Variants in RPS15 observed in about 807,000 individuals in gnomAD.
RPS15 encodes ribosomal protein S15.
RPS15 carries 5 observed loss-of-function variants against 14.9 expected under a neutral mutation model. The ratio of observed to expected loss-of-function variants is 0.34; its 90% confidence interval spans 0.18 to 0.70. RPS15 has a LOEUF of 0.70. Among genes scored for constraint, RPS15 ranks in the 30% least tolerant of loss-of-function variants. The pLI is 0.65. For missense variants in RPS15, 102 were observed against 204.2 expected, an observed-to-expected ratio of 0.50 and a Z score of 3.05; for synonymous variants, 103 against 85.0, an observed-to-expected ratio of 1.21 and a Z score of -1.16.
In RPS15 at chr19:1,438,786, G is replaced by A. The variant is rs377627432; in HGVS notation, c.4-21G>A. The stretch of plus-strand genomic sequence containing the variant: ...AGATGGGTGTCGGGATCCCGCTGAC[G>A]CCCGATCCGCGCCCGCACAGGCAGA... On this transcript the variant is annotated intron_variant, in intron 1 of 3. Transcript: ENST00000592588. This position sits in a 1 kb window ranked among gnomAD's most constrained non-coding sequence, Gnocchi z 4.8. 5.1e-5 allele frequency: 80 copies of A among 1,580,078 alleles called. No individual in the cohort carries two copies. In the African/African-American group the frequency reaches 9.3e-4, roughly 18 times the overall value.
In RPS15 at chr19:1,438,630, G is replaced by A. The variant is rs1336384369; in HGVS notation, c.4-177G>A. 4 of 1,533,082 alleles carry A rather than the reference G, an allele frequency of 2.6e-6. No homozygotes were observed. Among genetic ancestry groups the A allele is most frequent in the Non-Finnish European group, 1.8e-6 (2 of 1,135,982 alleles). The allele number at this position is 1,533,082 out of a possible 1,614,324, so 95.0% of individuals were successfully genotyped here. ...TGGGAAGGCCTGTCCGGGCCTTCAT[G>A]TCCGGGTCCTCGTAACCCGGAGCCG... On this transcript the variant is annotated intron_variant, in intron 1 of 3. Transcript: ENST00000592588. This position sits in a 1 kb window ranked among gnomAD's most constrained non-coding sequence, Gnocchi z 4.8.
chr19:1,439,009 C>T (rs2057491375), intron 2 of RPS15, 117 bp downstream of exon 2: 3 of 830,566 alleles, frequency 3.6e-6, no homozygotes, highest in Non-Finnish European at 5.5e-6. Flanking sequence ...GCACGGTCTC[C>T]GCGCGGGTTT....
Position 1,440,219 on chromosome 19 carries a change from A to T in RPS15, c.290A>T (p.Tyr97Phe), listed in dbSNP as rs771534816. 6 of 1,613,092 alleles carry T rather than the reference A, an allele frequency of 3.7e-6. No individual in the cohort carries two copies. The South Asian group carries it at 6.6e-5, about 18-fold the overall frequency. ...PEMVGSMVGV[Y>F]NGKTFNQVEI... ...ATGGTGGGCAGCATGGTGGGCGTCT[A>T]CAACGGCAAGACCTTCAACCAGGTG... The change falls in exon 3 of 4, where the codon TAC becomes TTC. Residue 97 changes from tyrosine (Y) to phenylalanine (F), a missense_variant. Physicochemically the swap from Tyr to Phe is conservative, Grantham distance 22 (BLOSUM62 3). Transcript: ENST00000592588.
Position 1,440,362 on chromosome 19 carries a change from G to A in RPS15, c.338G>A (p.Gly113Asp). 2 of 1,614,034 alleles carry A rather than the reference G, an allele frequency of 1.2e-6. No individual in the cohort carries two copies. The highest frequency in any genetic ancestry group is 1.7e-6 in the Non-Finnish European group (2 of 1,179,938). ...GGTCTCCCGCAGCCCGAGATGATCG[G>A]CCACTACCTGGGCGAGTTCTCCATC... is the stretch of plus-strand genomic sequence containing the variant. ...NQVEIKPEMI[G>D]HYLGEFSITY... is the part of the protein sequence containing the mutation. The change falls in exon 4 of 4, where the codon GGC (glycine) becomes GAC (aspartate). Residue 113 changes from glycine to aspartate, a missense_variant. By Grantham distance (94) the Gly-to-Asp change is moderately conservative. Transcript: ENST00000592588.
In RPS15 at chr19:1,438,821, G is replaced by T. The variant is rs753116376; in HGVS notation, c.18G>T (p.Gln6His). The T allele has an allele frequency of 1.3e-6, 2 of 1,595,124 alleles. No individual in the cohort carries two copies. Among genetic ancestry groups the T allele is most frequent in the South Asian group, 2.3e-5 (2 of 88,602 alleles). Residue 6 changes from glutamine (Q) to histidine (H), a missense_variant, in exon 2 of 4, where the codon CAG becomes CAT. By Grantham distance (24) the Gln-to-His change is conservative. This residue lies in a region of RPS15 where 70 missense variants were observed against 96.8 expected (regional missense o/e 0.72). Coordinates refer to ENST00000592588, the MANE Select transcript of RPS15 (RefSeq NM_001018.5). This position sits in a 1 kb window ranked among gnomAD's most constrained non-coding sequence, Gnocchi z 4.8. ...CGCCCGCACAGGCAGAAGTAGAGCAGAAGAAGAAGCGGACCTTCCGCAAGT... is the reference window on the plus strand; with the variant it reads ...CGCCCGCACAGGCAGAAGTAGAGCATAAGAAGAAGCGGACCTTCCGCAAGT... MAEVEQKKKRTFRKFT... is the reference protein window; with the variant it reads MAEVEHKKKRTFRKFT...
chr19:1,439,696 G>T (rs1475859584), intron 2 of RPS15: 1 of 582,580 alleles, frequency 1.7e-6, no homozygotes, highest in Non-Finnish European at 3.1e-6. Flanking sequence ...CGCCCTACCT[G>T]CCTTCCCCTG....
rs746037588 is a variant in RPS15, at chr19:1,438,885, A to G, written c.82A>G (p.Met28Val). 3.8e-6 allele frequency: 6 copies of G among 1,574,126 alleles called. No homozygotes were observed. Among genetic ancestry groups the G allele is most frequent in the Admixed American group, 1.8e-5 (1 of 56,440 alleles). ...CGTGGACCTCGACCAGCTGCTGGAC[A>G]TGTCCTAGTAAGGGCGGCCGCGGGG... is the stretch of plus-strand genomic sequence containing the variant. ...RGVDLDQLLD[M>V]SYEQLMQLYS... The change falls in exon 2 of 4, where the codon ATG becomes GTG. Residue 28 changes from methionine to valine, a missense_variant. Physicochemically the swap from Met to Val is conservative, Grantham distance 21 (BLOSUM62 1). Transcript: ENST00000592588. The surrounding 1 kb of genome is among the most constrained non-coding windows in gnomAD (Gnocchi z 4.8).
At chr19:1,439,986 C>G (rs1186799548) in intron 2 of RPS15, 33 bp from the exon 3 acceptor site, 11 of 1,521,322 alleles carry the variant, frequency 7.2e-6, no homozygotes, top group Non-Finnish European at 9.8e-6. Context: ...CAGGCCGGGC[C>G]GCTCACAAAA....
At position 1,438,567 on chromosome 19, in the gene RPS15, G is replaced by A. The variant is rs773307002; in HGVS notation, c.3+139G>A. On this transcript the variant is annotated intron_variant, in intron 1 of 3. Coordinates refer to ENST00000592588, the MANE Select transcript of RPS15 (RefSeq NM_001018.5). The surrounding 1 kb of genome is among the most constrained non-coding windows in gnomAD (Gnocchi z 4.8). ...CCTGCAGGCGGCTGGATGTTGGGGCGAGGGGCGGACTTGGTGGGTGTCGGG... is the reference window on the plus strand; with the variant it reads ...CCTGCAGGCGGCTGGATGTTGGGGCAAGGGGCGGACTTGGTGGGTGTCGGG... The A allele has an allele frequency of 1.9e-6, 3 of 1,565,860 alleles. No individual in the cohort carries two copies. The highest frequency in any genetic ancestry group is 2.6e-6 in the Non-Finnish European group (3 of 1,155,020).
In RPS15 at chr19:1,439,333, G is replaced by T. The variant is rs1600266996; in HGVS notation, c.89+441G>T. 3.3e-5 allele frequency: 6 copies of T among 180,668 alleles called. No individual in the cohort carries two copies. In the East Asian group the frequency reaches 1.0e-3, roughly 31 times the overall value. 11.2% of individuals were successfully genotyped at this position (180,668 alleles called of 1,614,324 possible). ...GCTGGAGTGCAATGGCTCCGTCCCAGCTCACTGCAGCCTCCCACTCCCGGG... is the reference window on the plus strand; with the variant it reads ...GCTGGAGTGCAATGGCTCCGTCCCATCTCACTGCAGCCTCCCACTCCCGGG... On this transcript the variant is annotated intron_variant, in intron 2 of 3. Transcript: ENST00000592588.
Position 1,440,257 on chromosome 19 carries a change from T to TG in RPS15, c.324+5dup. ...CTTCAACCAGGTGGAGATCAAGGTG[T>TG]GTGCGGCCGTCCCTGCCGGCTGGGG... On this transcript the variant is annotated splice_donor_region_variant and intron_variant, in intron 3 of 3. Coordinates refer to ENST00000592588, the MANE Select transcript of RPS15 (RefSeq NM_001018.5). The TG allele has an allele frequency of 6.2e-7, 1 of 1,610,682 alleles. No individual in the cohort carries two copies. Among genetic ancestry groups the TG allele is most frequent in the Non-Finnish European group, 8.5e-7 (1 of 1,178,688 alleles).
Position 1,438,572 on chromosome 19 carries a change from G to A in RPS15, c.3+144G>A. 1.3e-6 allele frequency: 2 copies of A among 1,562,260 alleles called. No individual in the cohort carries two copies. The highest frequency in any genetic ancestry group is 2.4e-5 in the East Asian group (1 of 41,426). ...AGGCGGCTGGATGTTGGGGCGAGGG[G>A]CGGACTTGGTGGGTGTCGGGACGAC... is the stretch of plus-strand genomic sequence containing the variant. On this transcript the variant is annotated intron_variant, in intron 1 of 3. Coordinates refer to ENST00000592588, the MANE Select transcript of RPS15 (RefSeq NM_001018.5). This position sits in a 1 kb window ranked among gnomAD's most constrained non-coding sequence, Gnocchi z 4.8.
At chr19:1,439,728 C>T (rs2083638055) in intron 2 of RPS15, 2 of 595,166 alleles carry the variant, frequency 3.4e-6, no homozygotes, top group South Asian at 2.0e-5. Flanking sequence ...GCCTTTGGCC[C>T]GAGCTGTACG....
chr19:1,439,887 A>G (rs2083639294), intron 2 of RPS15, 132 bp from the exon 3 acceptor site: 2 of 782,230 alleles, frequency 2.6e-6, no homozygotes, highest in South Asian at 2.9e-5. Flanking sequence ...TGTAGTCACT[A>G]CAATGGACAG....
chr19:1,438,982 T>A lies in RPS15; in HGVS notation c.89+90T>A. The A allele has an allele frequency of 3.0e-6, 3 of 1,005,530 alleles. No individual in the cohort carries two copies. Among genetic ancestry groups the A allele is most frequent in the South Asian group, 1.6e-5 (1 of 63,144 alleles). The allele number at this position is 1,005,530 out of a possible 1,614,324, so 62.3% of individuals were successfully genotyped here. On this transcript the variant is annotated intron_variant, in intron 2 of 3. Transcript: ENST00000592588. The surrounding 1 kb of genome is among the most constrained non-coding windows in gnomAD (Gnocchi z 4.8). The stretch of plus-strand genomic sequence containing the variant: ...GCGGCGGGGCGGGGGTCCAAGCGCC[T>A]CTGCGGCGGTGGGCGGGCACGGTCT...
In RPS15 at chr19:1,438,995, G is replaced by A; in HGVS notation, c.89+103G>A. Reference sequence around the variant, plus strand: ...GGTCCAAGCGCCTCTGCGGCGGTGGGCGGGCACGGTCTCCGCGCGGGTTTG... The same window carrying A: ...GGTCCAAGCGCCTCTGCGGCGGTGGACGGGCACGGTCTCCGCGCGGGTTTG... On this transcript the variant is annotated intron_variant, in intron 2 of 3. Transcript: ENST00000592588. The surrounding 1 kb of genome is among the most constrained non-coding windows in gnomAD (Gnocchi z 4.8). 1 of 915,410 alleles carries A rather than the reference G, an allele frequency of 1.1e-6. No individual in the cohort carries two copies. Among genetic ancestry groups the A allele is most frequent in the Non-Finnish European group, 1.6e-6 (1 of 613,434 alleles). The allele number at this position is 915,410 out of a possible 1,614,324, so 56.7% of individuals were successfully genotyped here.
At chr19:1,440,275 G>A (rs755211240) in intron 3 of RPS15, 22 bp downstream of exon 3, 15 of 1,610,230 alleles carry the variant, frequency 9.3e-6, no homozygotes, top group Non-Finnish European at 1.1e-5. Context: ...CGTCCCTGCC[G>A]GCTGGGGTGG....
Position 1,440,051 on chromosome 19 carries a change from A to G in RPS15, c.122A>G (p.Gln41Arg). Residue 41 changes from glutamine (Q) to arginine (R), a missense_variant, in exon 3 of 4, where the codon CAG (glutamine) becomes CGG (arginine). By Grantham distance (43) the Gln-to-Arg change is conservative. Around this residue, in one of 2 missense-constraint regions of RPS15, gnomAD observed 70 missense variants for 96.8 expected, o/e 0.72. Coordinates refer to ENST00000592588, the MANE Select transcript of RPS15 (RefSeq NM_001018.5). ...EQLMQLYSAR[Q>R]RRRLNRGLRR... ...CTGATGCAGCTGTACAGTGCGCGCC[A>G]GCGGCGGCGGCTGAACCGGGGCCTG... The G allele has an allele frequency of 3.9e-6, 6 of 1,558,398 alleles. No homozygotes were observed. Among genetic ancestry groups the G allele is most frequent in the East Asian group, 2.4e-5 (1 of 42,270 alleles).
chr19:1,438,603 G>T lies in RPS15; in HGVS notation c.3+175G>T. 8 of 1,541,990 alleles carry T rather than the reference G, an allele frequency of 5.2e-6. No individual in the cohort carries two copies. Among genetic ancestry groups the T allele is most frequent in the Non-Finnish European group, 7.0e-6 (8 of 1,141,114 alleles). On this transcript the variant is annotated intron_variant, in intron 1 of 3. Coordinates refer to ENST00000592588, the MANE Select transcript of RPS15 (RefSeq NM_001018.5). The surrounding 1 kb of genome is among the most constrained non-coding windows in gnomAD (Gnocchi z 4.8). ...TTGGTGGGTGTCGGGACGACGCGGG[G>T]CTGGGAAGGCCTGTCCGGGCCTTCA...
Sources: gnomAD v4.1 joint callset for allele counts on GRCh38, gnomAD v4.1.1 for gene constraint, gnomAD v4.1.1 regional missense constraint, Gnocchi (gnomAD v3.1) non-coding constraint, MANE v1.5 for transcripts, NCBI Gene and HGNC (gene_info 2026-07-23, HGNC 2026-07-21) for gene names.